The following SLIT2 variants were observed in gnomAD, a reference collection of about 807,000 sequenced individuals.
The protein encoded by SLIT2 is slit homolog 2 protein.
A neutral mutation model predicts 185.7 loss-of-function variants in SLIT2; 41 were observed. The observed-to-expected ratio is 0.22, with a 90% CI of 0.17 to 0.29. The LOEUF (loss-of-function observed/expected upper bound fraction) is 0.29, where lower values mean the gene tolerates loss of function less well. SLIT2 is among the 10% of genes least tolerant of loss of function. SLIT2 has a pLI of 1.00. For missense variants in SLIT2, 1,571 were observed against 1,909.0 expected, an observed-to-expected ratio of 0.82 and a Z score of 3.30; for synonymous variants, 693 against 680.2, an observed-to-expected ratio of 1.02 and a Z score of -0.29.
At chr4:20,322,599 C>T (rs1386954636) in intron 4 of SLIT2, among the ~76,000 whole-genome samples, 1 of 152,096 alleles carries the variant, frequency 6.6e-6, no homozygotes, top group Non-Finnish European at 1.5e-5. Context: ...TTATGCCTCA[C>T]TTCCATGAAT....
intron 4 of SLIT2, among the ~76,000 whole-genome samples, chr4:20,271,631 C>A (rs974768421): frequency 3.3e-5 from 5 of 151,136 alleles, no homozygotes; most frequent in African/African-American, 1.2e-4. Context: ...ATTAATGTTT[C>A]AATTTCTTTT....
intron 4 of SLIT2, among the ~76,000 whole-genome samples, chr4:20,462,185 A>G (rs1026933418): frequency 3.9e-5 from 6 of 152,168 alleles, no homozygotes; most frequent in Non-Finnish European, 5.9e-5. Context: ...ACCGTTCTTC[A>G]TATCTTTTCT....
intron 4 of SLIT2, among the ~76,000 whole-genome samples, chr4:20,335,770 T>G (rs1427622079): frequency 2.6e-5 from 4 of 152,204 alleles, no homozygotes; most frequent in African/African-American, 9.6e-5. Context: ...AACCATCAGA[T>G]GGAAAAATCA....
chr4:20,562,724 T>G (rs1724797006), intron 26 of SLIT2, among the ~76,000 whole-genome samples: 1 of 151,844 alleles, frequency 6.6e-6, no homozygotes, highest in South Asian at 2.1e-4. Context: ...AGAAATGCCA[T>G]AATGTAATTG....
intron 4 of SLIT2, among the ~76,000 whole-genome samples, chr4:20,368,139 C>A (rs1723263008): frequency 1.3e-5 from 2 of 149,896 alleles, no homozygotes; most frequent in African/African-American, 2.5e-5. Context: ...TTAATGGAAC[C>A]CTTTAGCTAA....
At chr4:20,421,817 C>A (rs1728192629) in intron 4 of SLIT2, among the ~76,000 whole-genome samples, 1 of 152,086 alleles carries the variant, frequency 6.6e-6, no homozygotes, top group African/African-American at 2.4e-5. Flanking sequence ...GTTTTCTTTG[C>A]CTCCCTCCTT....
intron 29 of SLIT2, among the ~76,000 whole-genome samples, chr4:20,579,368 AT>A (rs1726346375): frequency 6.6e-6 from 1 of 151,974 alleles, no homozygotes; most frequent in Non-Finnish European, 1.5e-5. Flanking sequence ...AACACAGCTT[AT>A]TTAGCAAAGA....
intron 4 of SLIT2, among the ~76,000 whole-genome samples, chr4:20,417,773 C>T (rs947909507): frequency 1.3e-5 from 2 of 152,032 alleles, no homozygotes; most frequent in African/African-American, 2.4e-5. Context: ...CCGCCTCAGC[C>T]TCCCAAAGTG....
intron 3 of SLIT2, among the ~76,000 whole-genome samples, chr4:20,263,278 A>T (rs1207002872): frequency 1.3e-5 from 2 of 151,506 alleles, no homozygotes; most frequent in African/African-American, 2.4e-5. Flanking sequence ...ATTGATGAAA[A>T]TGCTTTCAGA....
chr4:20,431,482 T>G (rs1728973789), intron 4 of SLIT2, among the ~76,000 whole-genome samples: 1 of 152,180 alleles, frequency 6.6e-6, no homozygotes, highest in Admixed American at 6.5e-5. Context: ...ACGCATCTTT[T>G]ATGGAAGTCA....
chr4:20,417,434 G>GTA (rs1277638378), intron 4 of SLIT2, among the ~76,000 whole-genome samples: 5 of 91,920 alleles, frequency 5.4e-5, no homozygotes, highest in African/African-American at 1.4e-4. Flanking sequence ...ATATGTGTGT[G>GTA]TGTATATATA....
chr4:20,464,754 G>A (rs1714153887), intron 4 of SLIT2, among the ~76,000 whole-genome samples: 1 of 151,994 alleles, frequency 6.6e-6, no homozygotes, highest in African/African-American at 2.4e-5. Context: ...TTCCTCCCCT[G>A]CCCATCCGCT....
At chr4:20,273,115 A>G (rs1457704486) in intron 4 of SLIT2, among the ~76,000 whole-genome samples, 3 of 152,244 alleles carry the variant, frequency 2.0e-5, no homozygotes, top group Admixed American at 6.5e-5. Flanking sequence ...AAGGTAATCA[A>G]TTAATTTGTT....
At chr4:20,394,195 GA>G (rs543041137) in intron 4 of SLIT2, among the ~76,000 whole-genome samples, 9 of 147,992 alleles carry the variant, frequency 6.1e-5, no homozygotes, top group Middle Eastern at 3.4e-3. Context: ...GGTTTTCAAT[GA>G]AAAAAAAACA....
intron 20 of SLIT2, among the ~76,000 whole-genome samples, chr4:20,542,212 T>G (rs1335679780): frequency 1.3e-5 from 2 of 152,202 alleles, no homozygotes; most frequent in African/African-American, 4.8e-5. Flanking sequence ...ATATTGTAAT[T>G]AAAAATATAA....
At chr4:20,525,034 T>C in intron 14 of SLIT2, 115 bp from the exon 15 acceptor site, 1 of 745,814 alleles carries the variant, frequency 1.3e-6, no homozygotes, top group Non-Finnish European at 2.4e-6. Flanking sequence ...GCTGTGAATA[T>C]ACATTTTTCA....
intron 12 of SLIT2, 30 bp from the exon 13 acceptor site, chr4:20,523,730 C>A (rs371159981): frequency 5.6e-6 from 9 of 1,605,948 alleles, no homozygotes; most frequent in Non-Finnish European, 7.7e-6. Flanking sequence ...AGATGCTACA[C>A]TTTAATTCTA....
chr4:20,277,116 T>C (rs1265601241), intron 4 of SLIT2, among the ~76,000 whole-genome samples: 2 of 152,160 alleles, frequency 1.3e-5, no homozygotes, highest in African/African-American at 4.8e-5. Context: ...AGACTTTTAT[T>C]ACCCCGGATT....
chr4:20,464,510 G>T (rs13137693), intron 4 of SLIT2, among the ~76,000 whole-genome samples: 7,297 of 151,888 alleles, frequency 0.048, 321 homozygotes, highest in East Asian at 0.15. Flanking sequence ...CTCCTCCCTC[G>T]GCAGCTCCAT....
Sources: allele counts gnomAD v4.1 joint callset (sites outside exome capture counted in the v4.1 genomes callset), GRCh38; gene constraint gnomAD v4.1.1; transcripts MANE v1.5; gene names NCBI Gene and HGNC (gene_info 2026-07-23, HGNC 2026-07-21).